CARMIL3: variants seen among roughly 807,000 people sequenced by gnomAD.
CARMIL3 encodes capping protein, Arp2/3 and myosin-I linker protein 3.
CARMIL3 carries 88 observed loss-of-function variants against 180.8 expected under a neutral mutation model. That is an observed-to-expected ratio of 0.49 (90% CI 0.41 to 0.58). The LOEUF is 0.58. Ranked by LOEUF, CARMIL3 falls within the 20% of genes least tolerant of loss-of-function variation. The pLI, the probability that CARMIL3 is intolerant of heterozygous loss-of-function variation, is 0.00. For synonymous variants in CARMIL3, 696 were observed against 714.5 expected (o/e 0.97, Z 0.41); for missense variants, 1,548 against 1,787.0 (o/e 0.87, Z 2.41).
intron 1 of CARMIL3, 99 bp from the exon 2 acceptor site, chr14:24,053,610 T>C (rs1029338849): frequency 4.9e-6 from 4 of 808,744 alleles, no homozygotes; most frequent in Admixed American, 5.2e-5. Context: ...TTCTCTCTTA[T>C]CCCATTTGAC....
At chr14:24,065,590 G>T in intron 33 of CARMIL3, 32 bp from the exon 34 acceptor site, 1 of 1,580,874 alleles carries the variant, frequency 6.3e-7, no homozygotes. Flanking sequence ...CTTCGACTGG[G>T]AACTGCTAAT....
In CARMIL3 at chr14:24,053,726, C is replaced by T. The variant is rs1299206898; in HGVS notation, c.58C>T (p.Leu20=). 8 of 1,612,484 alleles carry T rather than the reference C, an allele frequency of 5.0e-6. No individual in the cohort carries two copies. Among genetic ancestry groups the T allele is most frequent in the East Asian group, 2.2e-5 (1 of 44,882 alleles). The change falls in exon 2 of 40, where the codon CTG becomes TTG. Residue 20 remains leucine (L), a synonymous_variant. Coordinates refer to ENST00000342740, the MANE Select transcript of CARMIL3 (RefSeq NM_138360.4). ...CCCCTCAGACAGCATCCGGAGGTGC[C>T]TGAGCCAAGGGGCCGTGCTCCAACA... ...RELQDSIRRC[L]SQGAVLQQHH...
In CARMIL3 at chr14:24,061,679, G is replaced by A. The variant is rs199522104; in HGVS notation, c.2480+7G>A. On this transcript the variant is annotated splice_region_variant and intron_variant, in intron 27 of 39. Coordinates refer to ENST00000342740, the MANE Select transcript of CARMIL3 (RefSeq NM_138360.4). The surrounding 1 kb of genome is among the most constrained non-coding windows in gnomAD (Gnocchi z 4.1). The stretch of plus-strand genomic sequence containing the variant: ...ACATTCAGAACAAGCTGGAGTGAGA[G>A]GCAAAGGGCAGGGCTGGGGCTGAGC... The A allele has an allele frequency of 1.9e-6, 3 of 1,611,398 alleles. No individual in the cohort carries two copies. The African/African-American group carries it at 4.0e-5, about 22-fold the overall frequency.
Position 24,061,535 on chromosome 14 carries a change from A to G in CARMIL3, c.2343A>G (p.Leu781=). 1 of 1,614,050 alleles carries G rather than the reference A, an allele frequency of 6.2e-7. No homozygotes were observed. Among genetic ancestry groups the G allele is most frequent in the Non-Finnish European group, 8.5e-7 (1 of 1,179,972 alleles). Residue 781 remains leucine, a synonymous_variant, in exon 27 of 40, where the codon TTA becomes TTG. Transcript: ENST00000342740. This position sits in a 1 kb window ranked among gnomAD's most constrained non-coding sequence, Gnocchi z 4.1. ...LESMVSLTQE[L]CPVAMRVAEG... is the part of the protein sequence containing the mutation. ...CCATGGTCAGCCTGACACAGGAGTT[A>G]TGCCCTGTGGCCATGCGGGTGGCCG... is the stretch of plus-strand genomic sequence containing the variant.
In CARMIL3 at chr14:24,054,669, C is replaced by G; in HGVS notation, c.363-42C>G. On this transcript the variant is annotated intron_variant, in intron 5 of 39. Coordinates refer to ENST00000342740, the MANE Select transcript of CARMIL3 (RefSeq NM_138360.4). This position sits in a 1 kb window ranked among gnomAD's most constrained non-coding sequence, Gnocchi z 5.1. Reference sequence around the variant, plus strand: ...GCTATAACGTGGGAAGAACTGAGAGCCTCTTTCCAGCCCTCTCTGGAATGA... The same window carrying G: ...GCTATAACGTGGGAAGAACTGAGAGGCTCTTTCCAGCCCTCTCTGGAATGA... 6.3e-7 allele frequency: 1 copy of G among 1,580,536 alleles called. No individual in the cohort carries two copies. Among genetic ancestry groups the G allele is most frequent in the African/African-American group, 1.3e-5 (1 of 74,188 alleles).
In CARMIL3 at chr14:24,058,693, G is replaced by A; in HGVS notation, c.1406G>A (p.Gly469Glu). The change falls in exon 18 of 40, where the codon GGA becomes GAA. Residue 469 changes from glycine (G) to glutamate (E), a missense_variant. Gly to Glu is a moderately conservative substitution (Grantham distance 98, BLOSUM62 -2). Transcript: ENST00000342740. This position sits in a 1 kb window ranked among gnomAD's most constrained non-coding sequence, Gnocchi z 6.4. ...DLSSCELRSA[G>E]AQALQEQLGA... ...TTGTCCCTGCAGCTCCGTTCAGCGG[G>A]AGCCCAAGCCTTGCAGGAGCAGCTG... 2 of 1,614,054 alleles carry A rather than the reference G, an allele frequency of 1.2e-6. No individual in the cohort carries two copies. Among genetic ancestry groups the A allele is most frequent in the Non-Finnish European group, 1.7e-6 (2 of 1,179,998 alleles).
chr14:24,054,900 G>GGGCT lies in CARMIL3; in HGVS notation c.460+93_460+96dup. ...TGCACAGGGTGTTGCCTGGGCGGGC[G>GGGCT]GGCTTTGCCTGCCTGAAGGACTCCC... On this transcript the variant is annotated intron_variant, in intron 6 of 39. Transcript: ENST00000342740. This position sits in a 1 kb window ranked among gnomAD's most constrained non-coding sequence, Gnocchi z 5.1. 3 of 1,432,482 alleles carry GGGCT rather than the reference G, an allele frequency of 2.1e-6. No homozygotes were observed. Among genetic ancestry groups the GGGCT allele is most frequent in the Non-Finnish European group, 1.9e-6 (2 of 1,033,980 alleles). The allele number at this position is 1,432,482 out of a possible 1,614,324, so 88.7% of individuals were successfully genotyped here. A position where few individuals can be genotyped will look rare whatever the true frequency, so the allele number is the denominator to read the frequency against.
Position 24,061,454 on chromosome 14 carries a change from C to T in CARMIL3, c.2305-43C>T, listed in dbSNP as rs767007397. 1 of 1,587,566 alleles carries T rather than the reference C, an allele frequency of 6.3e-7. No homozygotes were observed. The highest frequency in any genetic ancestry group is 2.2e-5 in the East Asian group (1 of 44,638). On this transcript the variant is annotated intron_variant, in intron 26 of 39. Coordinates refer to ENST00000342740, the MANE Select transcript of CARMIL3 (RefSeq NM_138360.4). The surrounding 1 kb of genome is among the most constrained non-coding windows in gnomAD (Gnocchi z 4.1). ...CTTCTGCTGTGGTGCCAGCCCTGAT[C>T]CTGTCCCCCTTGGGCCTCTGGCCTC...
At chr14:24,055,517 T>C (rs757031484) in intron 8 of CARMIL3, 26 bp from the exon 9 acceptor site, 12 of 1,613,390 alleles carry the variant, frequency 7.4e-6, no homozygotes, top group Non-Finnish European at 9.3e-6. Flanking sequence ...CTCACCACTT[T>C]CCTGCCCCCT....
intron 30 of CARMIL3, 52 bp downstream of exon 30, chr14:24,063,235 G>A (rs776527989): frequency 6.9e-6 from 11 of 1,598,154 alleles, no homozygotes; most frequent in Non-Finnish European, 7.7e-6. Context: ...GCCCTCTGTA[G>A]CCCCTCTTTC....
chr14:24,068,558 C>T (rs1411932149), intron 36 of CARMIL3, 26 bp from the exon 37 acceptor site: 6 of 1,573,746 alleles, frequency 3.8e-6, no homozygotes, highest in Non-Finnish European at 5.2e-6. Flanking sequence ...CCTTTTCCTG[C>T]AGCTTCTCCT....
At position 24,063,493 on chromosome 14, in the gene CARMIL3, G is replaced by A. The variant is rs1566542227; in HGVS notation, c.2939G>A (p.Arg980His). ...AGGCATCAAACACAAGGGAGGCCCCGCCCCCCCAGGACCACACCTCCAGGA... is the reference window on the plus strand; with the variant it reads ...AGGCATCAAACACAAGGGAGGCCCCACCCCCCCAGGACCACACCTCCAGGA... ...KLRHQTQGRP[R>H]PPRTTPPGPG... Residue 980 changes from arginine (R) to histidine (H), a missense_variant, in exon 31 of 40, where the codon CGC (arginine) becomes CAC (histidine). Arg to His is a conservative substitution (Grantham distance 29, BLOSUM62 0). Coordinates refer to ENST00000342740, the MANE Select transcript of CARMIL3 (RefSeq NM_138360.4). The A allele has an allele frequency of 3.1e-6, 5 of 1,613,136 alleles. No individual in the cohort carries two copies. The South Asian group carries it at 3.3e-5, about 11-fold the overall frequency.
rs2035643872 is a variant in CARMIL3, at chr14:24,053,873, A to G, written c.135+70A>G. 2.9e-6 allele frequency: 4 copies of G among 1,391,230 alleles called. No individual in the cohort carries two copies. In the Admixed American group the frequency reaches 6.1e-5, roughly 21 times the overall value. 86.2% of individuals were successfully genotyped at this position (1,391,230 alleles called of 1,614,324 possible). ...GGCAGCTGGCCAGTAGAGGGCAGGGAGCCGGGAGGACAGAAGAGACAGAAG... is the reference window on the plus strand; with the variant it reads ...GGCAGCTGGCCAGTAGAGGGCAGGGGGCCGGGAGGACAGAAGAGACAGAAG... On this transcript the variant is annotated intron_variant, in intron 2 of 39. Coordinates refer to ENST00000342740, the MANE Select transcript of CARMIL3 (RefSeq NM_138360.4).
At chr14:24,052,319 G>A (rs2035625238) in intron 1 of CARMIL3, 126 bp downstream of exon 1, 2 of 910,732 alleles carry the variant, frequency 2.2e-6, no homozygotes, top group Non-Finnish European at 1.6e-6. Flanking sequence ...TGGCTCCAAG[G>A]CAGCCCCTGC....
At position 24,058,702 on chromosome 14, in the gene CARMIL3, C is replaced by T. The variant is rs1403383301; in HGVS notation, c.1415C>T (p.Ala472Val). The T allele has an allele frequency of 6.2e-7, 1 of 1,614,182 alleles. No individual in the cohort carries two copies. ...CAGCTCCGTTCAGCGGGAGCCCAAG[C>T]CTTGCAGGAGCAGCTGGGAGCTGTC... Reference protein sequence around the residue: ...SCELRSAGAQALQEQLGAVTC... With the variant: ...SCELRSAGAQVLQEQLGAVTC... The change falls in exon 18 of 40, where the codon GCC becomes GTC. Residue 472 changes from alanine (A) to valine (V), a missense_variant. Ala to Val is a moderately conservative substitution (Grantham distance 64). Coordinates refer to ENST00000342740, the MANE Select transcript of CARMIL3 (RefSeq NM_138360.4). This position sits in a 1 kb window ranked among gnomAD's most constrained non-coding sequence, Gnocchi z 6.4.
chr14:24,060,748 T>G lies in CARMIL3; in HGVS notation c.2182T>G (p.Ser728Ala), dbSNP rs969398550. ...ARDLIKDAKN[S>A]RALFPSLYEL... Reference sequence around the variant, plus strand: ...GGACCTCATCAAAGATGCCAAGAACTCCCGGGCGGTGAGCCCTCCACAGGC... The same window carrying G: ...GGACCTCATCAAAGATGCCAAGAACGCCCGGGCGGTGAGCCCTCCACAGGC... The change falls in exon 25 of 40, where the codon TCC becomes GCC. Residue 728 changes from serine to alanine, a missense_variant. Around this residue, in one of 4 missense-constraint regions of CARMIL3, gnomAD observed 297 missense variants for 415.9 expected, o/e 0.71. Coordinates refer to ENST00000342740, the MANE Select transcript of CARMIL3 (RefSeq NM_138360.4). 1.1e-5 allele frequency: 18 copies of G among 1,613,218 alleles called. No individual in the cohort carries two copies. In the African/African-American group the frequency reaches 1.9e-4, roughly 17 times the overall value.
Position 24,069,496 on chromosome 14 carries a change from C to G in CARMIL3, c.*92C>G, listed in dbSNP as rs2035840617. 2 of 1,550,858 alleles carry G rather than the reference C, an allele frequency of 1.3e-6. No individual in the cohort carries two copies. The highest frequency in any genetic ancestry group is 2.7e-5 in the African/African-American group (2 of 73,378). The stretch of plus-strand genomic sequence containing the variant: ...CCCAGTCCCCAGGGCCCCCTGCCAG[C>G]CCCTGTCCTACAGGGGCAAGACGGC... On this transcript the variant is annotated 3_prime_UTR_variant, in exon 40 of 40. Coordinates refer to ENST00000342740, the MANE Select transcript of CARMIL3 (RefSeq NM_138360.4).
chr14:24,062,507 C>T lies in CARMIL3; in HGVS notation c.2508C>T (p.Tyr836=), dbSNP rs767915779. The T allele has an allele frequency of 6.2e-7, 1 of 1,614,196 alleles. No homozygotes were observed. The highest frequency in any genetic ancestry group is 2.2e-5 in the East Asian group (1 of 44,892). The change falls in exon 28 of 40, where the codon TAC becomes TAT. Residue 836 remains tyrosine, a synonymous_variant. Transcript: ENST00000342740. ...LDEVKLSVVT[Y]LTSSIVDEIL... The stretch of plus-strand genomic sequence containing the variant: ...AAGTGAAGCTCTCAGTCGTCACCTA[C>T]CTAACCAGCTCCATAGTGGATGAGA...
intron 8 of CARMIL3, 113 bp downstream of exon 8, chr14:24,055,423 C>A: frequency 1.4e-6 from 2 of 1,478,070 alleles, no homozygotes; most frequent in Non-Finnish European, 9.4e-7. Flanking sequence ...TCCCCAACTC[C>A]ATCCCATCCC....
Sources: allele counts gnomAD v4.1 joint callset, GRCh38; gene constraint gnomAD v4.1.1; regional missense constraint gnomAD v4.1.1; non-coding constraint Gnocchi (gnomAD v3.1); transcripts MANE v1.5; gene names NCBI Gene and HGNC (gene_info 2026-07-23, HGNC 2026-07-21).